SCFD2: variants seen among roughly 807,000 people sequenced by gnomAD.
The protein encoded by SCFD2 is sec1 family domain containing 2.
SCFD2 carries 54 observed loss-of-function variants against 58.9 expected under a neutral mutation model. The observed-to-expected ratio is 0.92, with a 90% CI of 0.74 to 1.15. The LOEUF (loss-of-function observed/expected upper bound fraction) is 1.15. Ranked by LOEUF, SCFD2 falls within the 50% of genes most tolerant of loss-of-function variation. The pLI is 0.00. For synonymous variants in SCFD2, 321 were observed against 335.9 expected (o/e 0.96, Z 0.49); for missense variants, 805 against 836.6 (o/e 0.96, Z 0.47).
intron 2 of SCFD2, among the ~76,000 whole-genome samples, chr4:53,316,020 C>A (rs1259845568): frequency 6.6e-6 from 1 of 152,126 alleles, no homozygotes; most frequent in Non-Finnish European, 1.5e-5. Context: ...AGCAGAGGAA[C>A]ACTCTTTCTA....
At chr4:53,005,435 T>C (rs1477939889) in intron 5 of SCFD2, among the ~76,000 whole-genome samples, 1 of 152,212 alleles carries the variant, frequency 6.6e-6, no homozygotes, top group East Asian at 1.9e-4. Flanking sequence ...TTCTGGCCAA[T>C]TCTGCACCCT....
intron 5 of SCFD2, among the ~76,000 whole-genome samples, chr4:52,971,227 G>C (rs921418736): frequency 2.0e-5 from 3 of 152,144 alleles, no homozygotes; most frequent in African/African-American, 7.2e-5. Flanking sequence ...CCGAGCAAAA[G>C]GAGGAAGTTT....
intron 5 of SCFD2, among the ~76,000 whole-genome samples, chr4:52,966,940 T>C (rs930835256): frequency 2.6e-5 from 4 of 152,162 alleles, no homozygotes; most frequent in African/African-American, 9.6e-5. Context: ...CCACCATCCA[T>C]CTCTGGAACT....
chr4:52,945,236 T>C (rs1423237054), intron 5 of SCFD2, among the ~76,000 whole-genome samples: 2 of 152,210 alleles, frequency 1.3e-5, no homozygotes, highest in Admixed American at 6.5e-5. Context: ...GAGGGACTTG[T>C]GCTTTTATCT....
chr4:52,892,503 T>C (rs532839871), intron 7 of SCFD2, among the ~76,000 whole-genome samples: 1 of 152,366 alleles, frequency 6.6e-6, no homozygotes, highest in East Asian at 1.9e-4. Context: ...TCTGTCTTCC[T>C]ATTCTTCTAC....
intron 4 of SCFD2, among the ~76,000 whole-genome samples, chr4:53,238,748 A>T (rs1190116083): frequency 3.5e-5 from 5 of 143,028 alleles, no homozygotes; most frequent in African/African-American, 1.1e-4. Flanking sequence ...GGCGCTCCCC[A>T]CATCTCAGAC....
chr4:53,283,426 A>G (rs569318322), intron 3 of SCFD2, among the ~76,000 whole-genome samples: 1 of 152,198 alleles, frequency 6.6e-6, no homozygotes, highest in Admixed American at 6.5e-5. Context: ...ACATTCTAAG[A>G]CATGCCTTTC....
chr4:53,073,795 G>T (rs996159135), intron 5 of SCFD2, among the ~76,000 whole-genome samples: 1 of 152,054 alleles, frequency 6.6e-6, no homozygotes, highest in Non-Finnish European at 1.5e-5. Context: ...ATATGCAATA[G>T]AATTATGTCT....
chr4:52,926,145 T>G (rs1719857956), intron 5 of SCFD2, among the ~76,000 whole-genome samples: 2 of 152,202 alleles, frequency 1.3e-5, no homozygotes, highest in Non-Finnish European at 1.5e-5. Flanking sequence ...CTGGGATGGC[T>G]GAAATGAAGC....
chr4:52,984,359 A>G (rs937687502), intron 5 of SCFD2, among the ~76,000 whole-genome samples: 5 of 152,236 alleles, frequency 3.3e-5, no homozygotes, highest in African/African-American at 1.2e-4. Flanking sequence ...TCTATAAAAT[A>G]AAGACCTCAA....
chr4:53,165,138 A>T (rs941465278), intron 4 of SCFD2, among the ~76,000 whole-genome samples: 4 of 152,136 alleles, frequency 2.6e-5, no homozygotes, highest in Admixed American at 2.6e-4. Flanking sequence ...GTTACCATAA[A>T]AATTTTGCAT....
At chr4:53,005,504 T>G (rs1161843138) in intron 5 of SCFD2, among the ~76,000 whole-genome samples, 6 of 152,138 alleles carry the variant, frequency 3.9e-5, no homozygotes, top group African/African-American at 1.4e-4. Context: ...CCTCATACAT[T>G]AAATTAAAGA....
chr4:52,874,021 A>C lies in SCFD2; in HGVS notation c.2003T>G (p.Ile668Ser). The change falls in exon 9 of 9, where the codon ATT (isoleucine) becomes AGT (serine). Residue 668 changes from isoleucine (I) to serine (S), a missense_variant. By Grantham distance (142) the Ile-to-Ser change is moderately radical. Coordinates refer to ENST00000401642, the MANE Select transcript of SCFD2 (RefSeq NM_152540.4). ...LSTRLLKPLN[I>S]PELLFATDRL... Reference sequence around the variant, plus strand: ...GTCAGTTGCAAATAACAGCTCAGGAATGTTAAGTGGCTTCAGGAGTCGTGT... The same window carrying C: ...GTCAGTTGCAAATAACAGCTCAGGACTGTTAAGTGGCTTCAGGAGTCGTGT... The C allele has an allele frequency of 6.2e-7, 1 of 1,614,150 alleles. No individual in the cohort carries two copies. Among genetic ancestry groups the C allele is most frequent in the Non-Finnish European group, 8.5e-7 (1 of 1,179,994 alleles).
At chr4:53,047,998 T>C (rs1210044059) in intron 5 of SCFD2, among the ~76,000 whole-genome samples, 5 of 152,128 alleles carry the variant, frequency 3.3e-5, no homozygotes, top group Non-Finnish European at 7.4e-5. Context: ...AGGCATTCAC[T>C]TACCCAGTGC....
intron 4 of SCFD2, among the ~76,000 whole-genome samples, chr4:53,270,850 A>G (rs1215843968): frequency 1.3e-5 from 2 of 152,158 alleles, no homozygotes; most frequent in Non-Finnish European, 2.9e-5. Flanking sequence ...ACTAGAACAA[A>G]CTAAAAACTG....
chr4:53,343,283 C>G (rs1733943988), intron 2 of SCFD2, among the ~76,000 whole-genome samples: 1 of 152,116 alleles, frequency 6.6e-6, no homozygotes, highest in Non-Finnish European at 1.5e-5. Flanking sequence ...CACCACCAAT[C>G]CCACAGAAAT....
intron 4 of SCFD2, among the ~76,000 whole-genome samples, chr4:53,196,826 A>T (rs1235076101): frequency 6.6e-6 from 1 of 152,152 alleles, no homozygotes; most frequent in East Asian, 1.9e-4. Context: ...ACATAAATTT[A>T]TAGTTTTACT....
intron 5 of SCFD2, among the ~76,000 whole-genome samples, chr4:52,973,539 C>G (rs1249064759): frequency 1.3e-5 from 2 of 152,088 alleles, no homozygotes; most frequent in Non-Finnish European, 2.9e-5. Flanking sequence ...AGCTTACCAA[C>G]CAAAAAAACT....
intron 2 of SCFD2, among the ~76,000 whole-genome samples, chr4:53,330,048 A>C (rs1219355763): frequency 2.0e-5 from 3 of 151,576 alleles, no homozygotes; most frequent in Non-Finnish European, 4.4e-5. Context: ...TTAGAGAAAA[A>C]AGAATAAAAA....
Sources: gnomAD v4.1 joint callset for allele counts (sites outside exome capture counted in the v4.1 genomes callset) on GRCh38, gnomAD v4.1.1 for gene constraint, MANE v1.5 for transcripts, NCBI Gene and HGNC (gene_info 2026-07-23, HGNC 2026-07-21) for gene names.